The following MBNL3 variants were observed in gnomAD, a reference collection of about 807,000 sequenced individuals.
The protein encoded by MBNL3 is muscleblind-like protein 3.
A neutral mutation model predicts 24.5 loss-of-function variants in MBNL3; 6 were observed. The ratio of observed to expected loss-of-function variants is 0.25; its 90% CI spans 0.13 to 0.48. The LOEUF is 0.48. Among genes scored for constraint, MBNL3 ranks in the 20% least tolerant of loss-of-function variants. The probability of loss-of-function intolerance (pLI) is 0.99; values close to 1 mark genes in which losing one functional copy is unlikely to be tolerated. For synonymous variants in MBNL3, 100 were observed against 101.7 expected (o/e 0.98, Z 0.10); for missense variants, 230 against 293.5 (o/e 0.78, Z 1.58).
rs149967192 is a variant in MBNL3, at chrX:132,478,469, C to T, written c.-704+10382G>A. ...CATGAAAGCCTTCAGCATCCCTTGA[C>T]CATCTTCCCTTCAAAAAAGAGAGGA... On this transcript the variant is annotated intron_variant, in intron 1 of 8. Transcript: ENST00000370853. Among the ~76,000 whole-genome samples, 826 of 111,776 alleles carry T rather than the reference C, an allele frequency of 7.4e-3. 5 individuals carry two copies. Among genetic ancestry groups the T allele is most frequent in the African/African-American group, 0.025 (764 of 30,748 alleles).
chrX:132,391,359 C>G (rs963093770), intron 4 of MBNL3, among the ~76,000 whole-genome samples: 1 of 111,744 alleles, frequency 8.9e-6, no homozygotes, highest in Non-Finnish European at 1.9e-5. Flanking sequence ...TTACTGAAAA[C>G]CAGTTTTAAT....
intron 1 of MBNL3, among the ~76,000 whole-genome samples, chrX:132,471,334 G>A (rs777947156): frequency 5.4e-4 from 61 of 112,271 alleles, no homozygotes; most frequent in East Asian, 4.4e-3. Context: ...ATTTATTTTA[G>A]GTCAGTTATT....
chrX:132,439,315 A>T (rs1463055784), intron 2 of MBNL3, 120 bp downstream of exon 2: 9 of 870,943 alleles, frequency 1.0e-5, no homozygotes, highest in African/African-American at 2.1e-5. Flanking sequence ...TTTTTTTGTT[A>T]AAAAAACAAA....
chrX:132,489,438 G>A (rs1178607581), upstream of MBNL3, among the ~76,000 whole-genome samples: 1 of 111,684 alleles, frequency 9.0e-6, no homozygotes, highest in Non-Finnish European at 1.9e-5. Flanking sequence ...GAGGCCGGGC[G>A]TGGGGCTCCC....
rs897660409 is a variant in MBNL3, at chrX:132,379,415, G to A, written c.*251C>T. 1.8e-5 allele frequency: 6 copies of A among 325,551 alleles called. No homozygotes were observed. The South Asian group carries it at 5.8e-4, about 31-fold the overall frequency. The allele number at this position is 325,551 out of a possible 1,213,427, so 26.8% of individuals were successfully genotyped here. A position where few individuals can be genotyped will look rare whatever the true frequency, so the allele number is the denominator to read the frequency against. Reference sequence around the variant, plus strand: ...ACAAGTTACCAAATTTTATGGTCATGTTCTGCTTGATAATTCAAATAGGAT... The same window carrying A: ...ACAAGTTACCAAATTTTATGGTCATATTCTGCTTGATAATTCAAATAGGAT... On this transcript the variant is annotated 3_prime_UTR_variant, in exon 9 of 9. Transcript: ENST00000370853.
chrX:132,448,008 T>C (rs1945829131), intron 1 of MBNL3, among the ~76,000 whole-genome samples: 1 of 112,460 alleles, frequency 8.9e-6, no homozygotes, highest in Non-Finnish European at 1.9e-5. Flanking sequence ...ATTGAGATAA[T>C]CATGTGGTTT....
intron 1 of MBNL3, among the ~76,000 whole-genome samples, chrX:132,465,287 AC>A (rs1268879328): frequency 8.9e-6 from 1 of 111,893 alleles, no homozygotes; most frequent in Non-Finnish European, 1.9e-5. Flanking sequence ...TAGTGGTAAT[AC>A]TTTTAAATAA....
At chrX:132,481,697 T>A (rs190577554) in intron 1 of MBNL3, among the ~76,000 whole-genome samples, 6 of 112,116 alleles carry the variant, frequency 5.4e-5, no homozygotes, top group Admixed American at 4.7e-4. Context: ...GTCTTGTCTT[T>A]TTTTCAGCAC....
At chrX:132,411,672 A>G (rs965976206) in intron 2 of MBNL3, among the ~76,000 whole-genome samples, 1 of 110,980 alleles carries the variant, frequency 9.0e-6, no homozygotes. Flanking sequence ...GTCCCCATTT[A>G]TCTCTCCCTC....
chrX:132,483,748 A>T (rs1215274452), intron 1 of MBNL3, among the ~76,000 whole-genome samples: 1 of 111,974 alleles, frequency 8.9e-6, no homozygotes, highest in Admixed American at 9.4e-5. Flanking sequence ...ATCTGAAATG[A>T]CAGCTCTTGT....
intron 3 of MBNL3, among the ~76,000 whole-genome samples, chrX:132,401,005 T>C (rs1251015994): frequency 8.9e-6 from 1 of 112,285 alleles, no homozygotes; most frequent in Non-Finnish European, 1.9e-5. Context: ...AATGCCATCA[T>C]TCATCATTAC....
intron 1 of MBNL3, among the ~76,000 whole-genome samples, chrX:132,481,496 C>T (rs921944710): frequency 9.8e-5 from 11 of 112,085 alleles, no homozygotes; most frequent in Non-Finnish European, 1.7e-4. Flanking sequence ...AATGACAGAG[C>T]TGGAGACTAC....
intron 2 of MBNL3, among the ~76,000 whole-genome samples, chrX:132,418,337 T>C (rs1258558909): frequency 8.9e-6 from 1 of 112,030 alleles, no homozygotes; most frequent in Admixed American, 9.5e-5. Flanking sequence ...TGCCAGGCAT[T>C]GTTCAAAGTG....
chrX:132,453,102 A>G (rs1349374435), intron 1 of MBNL3, among the ~76,000 whole-genome samples: 1 of 111,809 alleles, frequency 8.9e-6, no homozygotes, highest in Non-Finnish European at 1.9e-5. Flanking sequence ...GATGGTGAGC[A>G]TACATGGGCT....
chrX:132,449,779 G>C (rs1345560867), intron 1 of MBNL3, among the ~76,000 whole-genome samples: 1 of 110,925 alleles, frequency 9.0e-6, no homozygotes, highest in East Asian at 2.8e-4. Context: ...TGTTGTTGCA[G>C]TGGCTGGTAC....
At position 132,376,584 on chromosome X, in the gene MBNL3, A is replaced by G. The variant is rs1405968097; in HGVS notation, c.*3082T>C. On this transcript the variant is annotated 3_prime_UTR_variant, in exon 9 of 9. Coordinates refer to ENST00000370853, the MANE Select transcript of MBNL3 (RefSeq NM_001386889.1). ...TAAATAGAGGCCCCTGTAAAATACA[A>G]AGCTTATAAAATGTTAACTAAGAAT... is the stretch of plus-strand genomic sequence containing the variant. The G allele has an allele frequency of 9.0e-6, 1 of 111,606 alleles. No individual in the cohort carries two copies. The highest frequency in any genetic ancestry group is 1.9e-5 in the Non-Finnish European group (1 of 52,965). 9.2% of individuals were successfully genotyped at this position (111,606 alleles called of 1,213,427 possible).
At chrX:132,451,624 G>A (rs1462290866) in intron 1 of MBNL3, among the ~76,000 whole-genome samples, 1 of 111,442 alleles carries the variant, frequency 9.0e-6, no homozygotes, top group Non-Finnish European at 1.9e-5. Flanking sequence ...GTGGGGGTCC[G>A]CTGAGCTAGA....
At chrX:132,380,279 A>G (rs1336487512) in intron 8 of MBNL3, among the ~76,000 whole-genome samples, 2 of 112,049 alleles carry the variant, frequency 1.8e-5, no homozygotes, top group African/African-American at 6.5e-5. Context: ...TAATTTGACA[A>G]CTTGTGGTTA....
At position 132,390,997 on chromosome X, in the gene MBNL3, T is replaced by C. The variant is rs745688136; in HGVS notation, c.621A>G (p.Glu207=). 9.1e-6 allele frequency: 11 copies of C among 1,211,210 alleles called. No individual in the cohort carries two copies. Among genetic ancestry groups the C allele is most frequent in the Non-Finnish European group, 1.1e-5 (10 of 895,209 alleles). Residue 207 remains glutamate, a synonymous_variant, in exon 5 of 9, where the codon GAA becomes GAG. Coordinates refer to ENST00000370853, the MANE Select transcript of MBNL3 (RefSeq NM_001386889.1). The part of the protein sequence containing the change: ...YAHPTDASMI[E]ASDNTVTICM... ...AGATTGTCACAGTATTATCACTCGC[T>C]TCAATCATGGAAGCATCAGTAGGGT...
Sources: gnomAD v4.1 joint callset for allele counts (sites outside exome capture counted in the v4.1 genomes callset) on GRCh38, gnomAD v4.1.1 for gene constraint, MANE v1.5 for transcripts, NCBI Gene and HGNC (gene_info 2026-07-23, HGNC 2026-07-21) for gene names.